DYNC2LI1: variants seen among roughly 807,000 people sequenced by gnomAD.
DYNC2LI1 encodes dynein cytoplasmic 2 light intermediate chain 1.
DYNC2LI1 carries 45 observed loss-of-function variants against 51.9 expected under a neutral mutation model. That is an observed-to-expected ratio of 0.87 (90% CI 0.68 to 1.11). DYNC2LI1 has a LOEUF of 1.11. Among genes scored for constraint, DYNC2LI1 ranks in the 50% most tolerant of loss-of-function variants. The pLI is 0.00. For synonymous variants in DYNC2LI1, 130 were observed against 137.8 expected, an observed-to-expected ratio of 0.94 and a Z score of 0.40; for missense variants, 490 against 417.4, an observed-to-expected ratio of 1.17 and a Z score of -1.51.
intron 10 of DYNC2LI1, among the ~76,000 whole-genome samples, chr2:43,802,005 A>G (rs1471406559): frequency 1.3e-5 from 2 of 152,122 alleles, no homozygotes; most frequent in Non-Finnish European, 2.9e-5. Context: ...GTACTTTTAA[A>G]TTTTAGCTCC....
intron 10 of DYNC2LI1, among the ~76,000 whole-genome samples, chr2:43,802,133 T>G (rs886573919): frequency 1.3e-5 from 2 of 152,096 alleles, no homozygotes; most frequent in African/African-American, 4.8e-5. Flanking sequence ...AGAACACAGT[T>G]GTAACAATTA....
At chr2:43,801,553 G>A (rs533684398) in intron 9 of DYNC2LI1, 86 bp from the exon 10 acceptor site, 423 of 931,288 alleles carry the variant, frequency 4.5e-4, no homozygotes, top group Non-Finnish European at 6.7e-4. Context: ...AAAACTAGCC[G>A]ATAATATTGC....
At chr2:43,775,710 CAG>C (rs1558658378) in intron 1 of DYNC2LI1, 1 of 369,744 alleles carries the variant, frequency 2.7e-6, no homozygotes, top group Admixed American at 3.4e-5. Flanking sequence ...TTTTTTTAGA[CAG>C]AGTCTCGCTC....
intron 5 of DYNC2LI1, 145 bp from the exon 6 acceptor site, chr2:43,794,312 G>GT: frequency 1.1e-6 from 1 of 889,170 alleles, no homozygotes; most frequent in South Asian, 2.0e-5. Flanking sequence ...TTGGTTTTTT[G>GT]TTTTTGGGAG....
chr2:43,777,498 T>C (rs1016636911), intron 2 of DYNC2LI1, among the ~76,000 whole-genome samples: 5 of 152,202 alleles, frequency 3.3e-5, no homozygotes, highest in Non-Finnish European at 5.9e-5. Flanking sequence ...CCCACAAAGT[T>C]CCTGCCAGGA....
intron 4 of DYNC2LI1, among the ~76,000 whole-genome samples, chr2:43,787,856 A>T (rs1240270757): frequency 3.9e-5 from 6 of 152,146 alleles, no homozygotes; most frequent in African/African-American, 1.4e-4. Flanking sequence ...GTAGAAGGAC[A>T]ATCTAGAATG....
chr2:43,813,382 C>T (rs911404180), downstream of DYNC2LI1: 25 of 1,106,132 alleles, frequency 2.3e-5, no homozygotes, highest in Admixed American at 2.7e-4. Flanking sequence ...ATTTACCAAG[C>T]GCTTGCTAAG....
the DYNC2LI1 span, chr2:43,822,913 G>A: frequency 2.0e-4 from 330 of 1,614,044 alleles, 1 homozygote; most frequent in East Asian, 2.8e-3. Flanking sequence ...TCTCCTGGTC[G>A]CTGACAGCTC....
downstream of DYNC2LI1, chr2:43,810,074 T>C (rs1302303541): frequency 1.6e-6 from 1 of 635,756 alleles, no homozygotes; most frequent in Non-Finnish European, 2.0e-6. Flanking sequence ...TTTTTAGGAA[T>C]ATAAAAGTAA....
chr2:43,789,754 T>C (rs765530877), intron 5 of DYNC2LI1, 33 bp downstream of exon 5: 64 of 1,574,666 alleles, frequency 4.1e-5, no homozygotes, highest in Non-Finnish European at 5.4e-5. Context: ...AACCTGTAAG[T>C]ACACAGGAGT....
At chr2:43,791,220 C>G (rs1358315626) in intron 5 of DYNC2LI1, among the ~76,000 whole-genome samples, 1 of 152,032 alleles carries the variant, frequency 6.6e-6, no homozygotes, top group Non-Finnish European at 1.5e-5. Flanking sequence ...GACATTGTCT[C>G]TTTAAAAAAG....
chr2:43,810,119 G>A (rs899425253), downstream of DYNC2LI1: 1 of 392,532 alleles, frequency 2.5e-6, no homozygotes, highest in East Asian at 1.5e-4. Flanking sequence ...GCAAGGTTAA[G>A]TGCCCACGTT....
At chr2:43,824,489 T>C in the DYNC2LI1 span, 1 of 1,604,358 alleles carries the variant, frequency 6.2e-7, no homozygotes, top group South Asian at 1.1e-5. Context: ...TGTATGTACA[T>C]GGATATACAA....
At chr2:43,820,220 G>T in the DYNC2LI1 span, 2 of 1,186,162 alleles carry the variant, frequency 1.7e-6, no homozygotes, top group Non-Finnish European at 2.4e-6. Context: ...TGCAGGGCAA[G>T]CCACACTCCC....
downstream of DYNC2LI1, among the ~76,000 whole-genome samples, chr2:43,813,509 T>C (rs1384333232): frequency 1.3e-5 from 2 of 152,166 alleles, no homozygotes; most frequent in Non-Finnish European, 2.9e-5. Context: ...CTTTTGTTTC[T>C]ATTTTGGGTA....
chr2:43,823,895 C>G, the DYNC2LI1 span: 1 of 1,612,648 alleles, frequency 6.2e-7, no homozygotes, highest in Non-Finnish European at 8.5e-7. Flanking sequence ...GGTGCACCTC[C>G]AGCACGTGGG....
At chr2:43,790,415 A>G (rs186258570) in intron 5 of DYNC2LI1, among the ~76,000 whole-genome samples, 7 of 152,344 alleles carry the variant, frequency 4.6e-5, no homozygotes, top group Non-Finnish European at 5.9e-5. Context: ...TGCCTGGATC[A>G]AATACAAAGG....
At position 43,808,887 on chromosome 2, in the gene DYNC2LI1, C is replaced by T. The variant is rs79409597; in HGVS notation, c.994-818C>T. ...GTGCTGAGACAGAGCAATGGGTTTCCTTCTTTTACATCCTTGTGCATTGCT... is the reference window on the plus strand; with the variant it reads ...GTGCTGAGACAGAGCAATGGGTTTCTTTCTTTTACATCCTTGTGCATTGCT... On this transcript the variant is annotated intron_variant, in intron 12 of 12. Coordinates refer to ENST00000260605, the MANE Select transcript of DYNC2LI1 (RefSeq NM_016008.4). 6.6e-3 allele frequency among the ~76,000 whole-genome samples: 1,007 copies of T among 151,812 alleles called. 12 individuals are homozygous for T. Among genetic ancestry groups the T allele is most frequent in the African/African-American group, 0.023 (952 of 41,404 alleles).
the DYNC2LI1 span, among the ~76,000 whole-genome samples, chr2:43,816,705 A>G: frequency 6.6e-6 from 1 of 152,148 alleles, no homozygotes; most frequent in Non-Finnish European, 1.5e-5. Flanking sequence ...CACCACACCC[A>G]CCTAATTCAT....
Sources: allele counts gnomAD v4.1 joint callset (sites outside exome capture counted in the v4.1 genomes callset), GRCh38; gene constraint gnomAD v4.1.1; transcripts MANE v1.5; gene names NCBI Gene and HGNC (gene_info 2026-07-23, HGNC 2026-07-21).